The following LRP1 variants were observed in gnomAD, a reference collection of about 807,000 sequenced individuals.
LRP1 encodes LDL receptor related protein 1.
In LRP1, 51 loss-of-function variants were observed where a neutral mutation model predicts 541.5. That is an observed-to-expected ratio of 0.09 (90% confidence interval 0.08 to 0.12). The LOEUF (loss-of-function observed/expected upper bound fraction) is 0.12. Ranked by LOEUF, LRP1 falls within the 10% of genes least tolerant of loss-of-function variation. The pLI, the probability that LRP1 is intolerant of heterozygous loss-of-function variation, is 1.00. For synonymous variants in LRP1, 2,219 were observed against 2,470.8 expected (o/e 0.90, Z 3.02); for missense variants, 3,878 against 6,376.2 (o/e 0.61, Z 13.34).
In LRP1 at chr12:57,199,204, C is replaced by T; in HGVS notation, c.9677-8C>T. On this transcript the variant is annotated splice_polypyrimidine_tract_variant and splice_region_variant and intron_variant, in intron 60 of 88. Transcript: ENST00000243077. The stretch of plus-strand genomic sequence containing the variant: ...GACTGGCACTGTGCCTGCCCCTTGG[C>T]CCTGCAGTGCTGAGCCAGGACATCC... 6.2e-7 allele frequency: 1 copy of T among 1,612,128 alleles called. No homozygotes were observed. The highest frequency in any genetic ancestry group is 1.3e-5 in the African/African-American group (1 of 75,038).
chr12:57,169,415 G>T (rs2035902205), intron 20 of LRP1, 108 bp downstream of exon 20: 1 of 1,097,382 alleles, frequency 9.1e-7, no homozygotes, highest in Non-Finnish European at 1.3e-6. Context: ...CACCATCTGG[G>T]AGCCAGAGGT....
chr12:57,153,349 C>T (rs969954236), intron 6 of LRP1, among the ~76,000 whole-genome samples: 4 of 152,184 alleles, frequency 2.6e-5, no homozygotes, highest in African/African-American at 7.2e-5. Context: ...TTTGGCTCTT[C>T]TTGGCTTCTT....
At position 57,128,973 on chromosome 12, in the gene LRP1, C is replaced by T; in HGVS notation, c.9C>T (p.Thr3=). ML[T]PPLLLLLPLL... Reference sequence around the variant, plus strand: ...TTGCATCAGCCCACACCATGCTGACCCCGCCGTTGCTCCTGCTGCTGCCCC... The same window carrying T: ...TTGCATCAGCCCACACCATGCTGACTCCGCCGTTGCTCCTGCTGCTGCCCC... The change falls in exon 1 of 89, where the codon ACC becomes ACT. Residue 3 remains threonine, a synonymous_variant. Coordinates refer to ENST00000243077, the MANE Select transcript of LRP1 (RefSeq NM_002332.3). The T allele has an allele frequency of 6.4e-7, 1 of 1,550,938 alleles. No homozygotes were observed. The highest frequency in any genetic ancestry group is 8.7e-7 in the Non-Finnish European group (1 of 1,146,542).
chr12:57,163,578 C>CA (rs541782465), intron 15 of LRP1, among the ~76,000 whole-genome samples: 3,642 of 107,928 alleles, frequency 0.034, 129 homozygotes, highest in African/African-American at 0.099. Flanking sequence ...GACTCTGTCT[C>CA]AAAAAAAAAA....
Position 57,191,399 on chromosome 12 carries a change from G to A in LRP1, c.7316G>A (p.Arg2439Gln), listed in dbSNP as rs773903422. 8 of 1,613,298 alleles carry A rather than the reference G, an allele frequency of 5.0e-6. No individual in the cohort carries two copies. Among genetic ancestry groups the A allele is most frequent in the Middle Eastern group, 1.6e-4 (1 of 6,080 alleles). The change falls in exon 44 of 89, where the codon CGG (arginine) becomes CAG (glutamine). Residue 2439 changes from arginine (R) to glutamine (Q), a missense_variant. By Grantham distance (43) the Arg-to-Gln change is conservative. This residue lies in a region of LRP1 where 1,100 missense variants were observed against 1,827.4 expected (regional missense o/e 0.60). Coordinates refer to ENST00000243077, the MANE Select transcript of LRP1 (RefSeq NM_002332.3). ...GEHIFWTDWVRRAVQRANKHV... is the reference protein window; with the variant it reads ...GEHIFWTDWVQRAVQRANKHV... ...CACATTTTCTGGACTGACTGGGTGC[G>A]GCGGGCAGTGCAGCGGGCCAACAAG...
intron 6 of LRP1, among the ~76,000 whole-genome samples, chr12:57,148,797 C>T (rs958666755): frequency 2.0e-5 from 3 of 152,270 alleles, no homozygotes; most frequent in African/African-American, 7.2e-5. Flanking sequence ...TCTGAAGGGG[C>T]TCTCAGAGGT....
rs748224760 is a variant in LRP1 at position 57,198,529 on chromosome 12, A to G, written c.9535A>G (p.Ser3179Gly). The change falls in exon 60 of 89, where the codon AGC becomes GGC. Residue 3179 changes from serine to glycine, a missense_variant. This residue lies in a region of LRP1 where 1,100 missense variants were observed against 1,827.4 expected (regional missense o/e 0.60). Transcript: ENST00000243077. ...CGGCCGCATCGGCATGGATGGGTCC[A>G]GCCGCAGCGTCATCGTGGACACCAA... Reference protein sequence around the residue: ...LIGRIGMDGSSRSVIVDTKIT... With the variant: ...LIGRIGMDGSGRSVIVDTKIT... The G allele has an allele frequency of 6.2e-7, 1 of 1,614,088 alleles. No homozygotes were observed. Among genetic ancestry groups the G allele is most frequent in the South Asian group, 1.1e-5 (1 of 91,070 alleles).
Position 57,191,364 on chromosome 12 carries a change from G to A in LRP1, c.7281G>A (p.Val2427=). 6.2e-7 allele frequency: 1 copy of A among 1,613,120 alleles called. No individual in the cohort carries two copies. The highest frequency in any genetic ancestry group is 8.5e-7 in the Non-Finnish European group (1 of 1,179,320). The change falls in exon 44 of 89, where the codon GTG becomes GTA. Residue 2427 remains valine (V), a synonymous_variant. Transcript: ENST00000243077. The part of the protein sequence containing the change: ...SEPVHPFGLA[V]YGEHIFWTDW... ...CTGTCCACCCCTTCGGGCTGGCCGT[G>A]TATGGGGAGCACATTTTCTGGACTG...
intron 2 of LRP1, 35 bp from the exon 3 acceptor site, chr12:57,141,339 A>G: frequency 1.2e-6 from 2 of 1,613,512 alleles, no homozygotes; most frequent in Non-Finnish European, 1.7e-6. Context: ...CACCATAGCC[A>G]GCTTGTTCAT....
intron 6 of LRP1, among the ~76,000 whole-genome samples, chr12:57,151,433 C>A (rs1376660288): frequency 6.6e-6 from 1 of 152,234 alleles, no homozygotes; most frequent in Non-Finnish European, 1.5e-5. Flanking sequence ...CAACTCCTTC[C>A]ACAACACAGC....
In LRP1 at chr12:57,202,549, C is replaced by T; in HGVS notation, c.10711+12C>T. On this transcript the variant is annotated intron_variant, in intron 68 of 88. Coordinates refer to ENST00000243077, the MANE Select transcript of LRP1 (RefSeq NM_002332.3). Reference sequence around the variant, plus strand: ...TGAAGAGAGCTGCAGTACGTCCCCACCCACCCAGCCCCGCATGAGCCCCTC... The same window carrying T: ...TGAAGAGAGCTGCAGTACGTCCCCATCCACCCAGCCCCGCATGAGCCCCTC... 2.7e-6 allele frequency: 4 copies of T among 1,499,924 alleles called. No homozygotes were observed. The highest frequency in any genetic ancestry group is 3.6e-6 in the Non-Finnish European group (4 of 1,109,220). 92.9% of individuals were successfully genotyped at this position (1,499,924 alleles called of 1,614,324 possible).
chr12:57,175,696 C>T lies in LRP1; in HGVS notation c.3784C>T (p.Arg1262Cys). The change falls in exon 23 of 89, where the codon CGC becomes TGC. Residue 1262 changes from arginine to cysteine, a missense_variant. Coordinates refer to ENST00000243077, the MANE Select transcript of LRP1 (RefSeq NM_002332.3). ...CCTGGAACCTGACGGCGAGAGCTGC[C>T]GCAGCCTGGGTGAGACAACAGTGAG... ...WVLEPDGESCRSLDPFKPFII... is the reference protein window; with the variant it reads ...WVLEPDGESCCSLDPFKPFII... The T allele has an allele frequency of 6.4e-7, 1 of 1,568,676 alleles. No individual in the cohort carries two copies. The highest frequency in any genetic ancestry group is 8.7e-7 in the Non-Finnish European group (1 of 1,154,870).
rs1314863594 is a variant in LRP1, at chr12:57,183,615, G to T, written c.5794+105G>T. 1.3e-6 allele frequency: 2 copies of T among 1,505,850 alleles called. No individual in the cohort carries two copies. Among genetic ancestry groups the T allele is most frequent in the African/African-American group, 2.7e-5 (2 of 72,862 alleles). 93.3% of individuals were successfully genotyped at this position (1,505,850 alleles called of 1,614,324 possible). The stretch of plus-strand genomic sequence containing the variant: ...GAGAGGCTGCCTGAATTGGCCTGAG[G>T]TGGGGCACTTGCTACAGCTGCCACC... On this transcript the variant is annotated intron_variant, in intron 35 of 88. Transcript: ENST00000243077. The surrounding 1 kb of genome is among the most constrained non-coding windows in gnomAD (Gnocchi z 6.1).
rs372451428 is a variant in LRP1 at position 57,211,236 on chromosome 12, G to T, written c.12977G>T (p.Arg4326Leu). 1.2e-6 allele frequency: 2 copies of T among 1,614,200 alleles called. No individual in the cohort carries two copies. The highest frequency in any genetic ancestry group is 2.7e-5 in the African/African-American group (2 of 75,064). ...GTCQMAADGS[R>L]QCRCTAYFEG... ...TGCCAGATGGCTGCTGATGGCTCCC[G>T]ACAATGCCGCTGCACTGCCTACTTT... The change falls in exon 84 of 89, where the codon CGA becomes CTA. Residue 4326 changes from arginine (R) to leucine (L), a missense_variant. Arg to Leu is a moderately radical substitution (Grantham distance 102). This residue lies in a region of LRP1 where 871 missense variants were observed against 1,212.4 expected (regional missense o/e 0.72). Transcript: ENST00000243077. The surrounding 1 kb of genome is among the most constrained non-coding windows in gnomAD (Gnocchi z 4.3).
chr12:57,211,667 C>T lies in LRP1; in HGVS notation c.13193+79C>T, dbSNP rs2036920199. 2.5e-6 allele frequency: 4 copies of T among 1,583,248 alleles called. No homozygotes were observed. The highest frequency in any genetic ancestry group is 1.7e-4 in the Middle Eastern group (1 of 5,980). On this transcript the variant is annotated intron_variant, in intron 85 of 88. Coordinates refer to ENST00000243077, the MANE Select transcript of LRP1 (RefSeq NM_002332.3). This position sits in a 1 kb window ranked among gnomAD's most constrained non-coding sequence, Gnocchi z 4.3. ...TTTGAGCAGGAGGACCGTCAGGCCT[C>T]AGTGCCCACCCCCCGCCCTGTTTTC...
Position 57,162,445 on chromosome 12 carries a change from C to A in LRP1, c.2331C>A (p.Pro777=), listed in dbSNP as rs765775281. 3.7e-6 allele frequency: 6 copies of A among 1,614,004 alleles called. No homozygotes were observed. The highest frequency in any genetic ancestry group is 1.7e-5 in the Admixed American group (1 of 60,006). The change falls in exon 14 of 89, where the codon CCC becomes CCA. Residue 777 remains proline, a synonymous_variant. Coordinates refer to ENST00000243077, the MANE Select transcript of LRP1 (RefSeq NM_002332.3). The surrounding 1 kb of genome is among the most constrained non-coding windows in gnomAD (Gnocchi z 5.2). ...RLERGVGGAP[P]TVTLLRSERP... is the part of the protein sequence containing the mutation. The stretch of plus-strand genomic sequence containing the variant: ...AACGGGGTGTAGGAGGCGCACCCCC[C>A]ACTGTGACCCTTCTGCGCAGTGAGC...
At chr12:57,157,892 G>C (rs1268977669) in intron 10 of LRP1, among the ~76,000 whole-genome samples, 4 of 152,200 alleles carry the variant, frequency 2.6e-5, no homozygotes, top group Non-Finnish European at 5.9e-5. Flanking sequence ...ATTATATCTG[G>C]GATAGGAAGC....
intron 6 of LRP1, chr12:57,149,864 ACT>A: frequency 3.0e-6 from 2 of 660,552 alleles, no homozygotes; most frequent in Non-Finnish European, 5.5e-6. Context: ...AAGTCCTCAG[ACT>A]CTCCGCCATC....
In LRP1 at chr12:57,211,546, G is replaced by C; in HGVS notation, c.13151G>C (p.Gly4384Ala). The C allele has an allele frequency of 2.5e-6, 4 of 1,614,090 alleles. No homozygotes were observed. The highest frequency in any genetic ancestry group is 2.5e-6 in the Non-Finnish European group (3 of 1,180,042). The part of the protein sequence containing the change: ...CLTCVGHCSN[G>A]GSCTMNSKMM... Reference sequence around the variant, plus strand: ...ACCTGCGTCGGCCACTGCAGCAATGGCGGCTCCTGTACCATGAACAGCAAA... The same window carrying C: ...ACCTGCGTCGGCCACTGCAGCAATGCCGGCTCCTGTACCATGAACAGCAAA... The change falls in exon 85 of 89, where the codon GGC becomes GCC. Residue 4384 changes from glycine to alanine, a missense_variant. By Grantham distance (60) the Gly-to-Ala change is moderately conservative. This residue lies in a region of LRP1 where 871 missense variants were observed against 1,212.4 expected (regional missense o/e 0.72). Transcript: ENST00000243077. This position sits in a 1 kb window ranked among gnomAD's most constrained non-coding sequence, Gnocchi z 4.3.
Sources: allele counts gnomAD v4.1 joint callset (sites outside exome capture counted in the v4.1 genomes callset), GRCh38; gene constraint gnomAD v4.1.1; regional missense constraint gnomAD v4.1.1; non-coding constraint Gnocchi (gnomAD v3.1); transcripts MANE v1.5; gene names NCBI Gene and HGNC (gene_info 2026-07-23, HGNC 2026-07-21).